ZNF536: variants seen among roughly 807,000 people sequenced by gnomAD.
The protein encoded by ZNF536 is zinc finger protein 536.
A neutral mutation model predicts 84.5 loss-of-function variants in ZNF536; 13 were observed. The ratio of observed to expected loss-of-function variants is 0.15; its 90% CI spans 0.10 to 0.24. ZNF536 has a LOEUF of 0.24. Among genes scored for constraint, ZNF536 ranks in the 10% least tolerant of loss-of-function variants. The pLI, the probability that ZNF536 is intolerant of heterozygous loss-of-function variation, is 1.00. For synonymous variants in ZNF536, 811 were observed against 742.5 expected (o/e 1.09, Z -1.50); for missense variants, 1,536 against 1,747.5 (o/e 0.88, Z 2.16).
intron 1 of ZNF536, among the ~76,000 whole-genome samples, chr19:30,706,791 G>A (rs1048725201): frequency 6.6e-6 from 1 of 152,180 alleles, no homozygotes; most frequent in Admixed American, 6.5e-5. Context: ...CTTAGCCCTA[G>A]CTTTATCTGA....
At chr19:30,529,631 G>A (rs2044726456) in intron 2 of ZNF536, among the ~76,000 whole-genome samples, 1 of 152,176 alleles carries the variant, frequency 6.6e-6, no homozygotes, top group Admixed American at 6.5e-5. Flanking sequence ...AGACAACATT[G>A]CTGACCTTGA....
chr19:30,446,168 G>A (rs1338868181), intron 2 of ZNF536, among the ~76,000 whole-genome samples: 4 of 147,492 alleles, frequency 2.7e-5, no homozygotes, highest in Non-Finnish European at 5.9e-5. Context: ...AGAATCGCTT[G>A]AGCCCGGGAG....
chr19:30,308,235 G>T (rs1231978615), intron 2 of ZNF536, among the ~76,000 whole-genome samples: 2 of 152,072 alleles, frequency 1.3e-5, no homozygotes, highest in African/African-American at 4.8e-5. Context: ...TTGTGAGCTT[G>T]GTGCATAAAG....
chr19:30,689,300 T>G (rs2051315589), intron 1 of ZNF536, among the ~76,000 whole-genome samples: 1 of 152,256 alleles, frequency 6.6e-6, no homozygotes, highest in Admixed American at 6.5e-5. Context: ...CCTGTTGTTT[T>G]GAAGATTCAA....
chr19:30,268,170 G>C (rs1311149775), intron 1 of ZNF536, among the ~76,000 whole-genome samples: 1 of 149,214 alleles, frequency 6.7e-6, no homozygotes, highest in Admixed American at 6.8e-5. Context: ...TGATCTACTA[G>C]TGTTTAGATC....
At position 30,315,812 on chromosome 19, in the gene ZNF536, A is replaced by C. The variant is rs369202642; in HGVS notation, c.-120+31671A>C. 3.3e-3 allele frequency among the ~76,000 whole-genome samples: 497 copies of C among 152,308 alleles called. 6 individuals are homozygous for C. Among genetic ancestry groups the C allele is most frequent in the African/African-American group, 0.011 (473 of 41,564 alleles). Reference sequence around the variant, plus strand: ...CATCATGTGTAGGGTGAATATTCACAAAAAGAAAATCATGCATATGTATTT... The same window carrying C: ...CATCATGTGTAGGGTGAATATTCACCAAAAGAAAATCATGCATATGTATTT... On this transcript the variant is annotated intron_variant, in intron 2 of 5. Transcript: ENST00000585628.
chr19:30,322,769 C>T (rs548501358), intron 2 of ZNF536, among the ~76,000 whole-genome samples: 1 of 151,972 alleles, frequency 6.6e-6, no homozygotes, highest in Non-Finnish European at 1.5e-5. Context: ...GCCCTCCTGC[C>T]CACCGAGCCC....
chr19:30,293,516 T>TC (rs966847073), intron 2 of ZNF536, among the ~76,000 whole-genome samples: 1 of 151,824 alleles, frequency 6.6e-6, no homozygotes, highest in South Asian at 2.1e-4. Flanking sequence ...TGCACGACAT[T>TC]CCCCCCGCCT....
intron 1 of ZNF536, among the ~76,000 whole-genome samples, chr19:30,420,691 A>G (rs2050916871): frequency 1.3e-5 from 2 of 152,222 alleles, no homozygotes; most frequent in Admixed American, 1.3e-4. Flanking sequence ...GAGGAAAAAA[A>G]AAGTGTGGTT....
At chr19:30,422,501 C>T (rs2147862470) in intron 1 of ZNF536, among the ~76,000 whole-genome samples, 1 of 152,298 alleles carries the variant, frequency 6.6e-6, no homozygotes, top group South Asian at 2.1e-4. Flanking sequence ...TGCCACCTCC[C>T]TGCAAGAGTA....
intron 1 of ZNF536, among the ~76,000 whole-genome samples, chr19:30,695,357 T>C (rs554345611): frequency 1.3e-5 from 2 of 152,204 alleles, no homozygotes; most frequent in African/African-American, 2.4e-5. Flanking sequence ...CAGTCCCTAC[T>C]GTGTGCAGAG....
intron 2 of ZNF536, among the ~76,000 whole-genome samples, chr19:30,291,510 C>T (rs886865516): frequency 2.0e-5 from 3 of 152,106 alleles, no homozygotes; most frequent in Non-Finnish European, 4.4e-5. Context: ...CTGTTCATAT[C>T]CTTCACCCAC....
intron 2 of ZNF536, among the ~76,000 whole-genome samples, chr19:30,447,318 A>G (rs1239394544): frequency 6.6e-6 from 1 of 151,996 alleles, no homozygotes; most frequent in Non-Finnish European, 1.5e-5. Flanking sequence ...GCTTAAGCAT[A>G]CTCTTCTTCT....
At chr19:30,589,214 G>T (rs2047197215) in intron 1 of ZNF536, among the ~76,000 whole-genome samples, 1 of 152,186 alleles carries the variant, frequency 6.6e-6, no homozygotes, top group South Asian at 2.1e-4. Context: ...TGCTCTTTGT[G>T]TTGGTTGCAA....
intron 2 of ZNF536, among the ~76,000 whole-genome samples, chr19:30,461,847 C>A (rs1007680419): frequency 1.3e-5 from 2 of 152,186 alleles, no homozygotes; most frequent in African/African-American, 4.8e-5. Context: ...GAGAAGGGGC[C>A]TGCAGGTAGA....
In ZNF536 at chr19:30,695,755, G is replaced by A. The variant is rs192161849; in HGVS notation, c.170-15002G>A. Among the ~76,000 whole-genome samples, 884 of 152,258 alleles carry A rather than the reference G, an allele frequency of 5.8e-3. 6 individuals are homozygous for A. Among genetic ancestry groups the A allele is most frequent in the African/African-American group, 0.02 (844 of 41,556 alleles). ...ATGGTGTGGCTTTCTTCTGCCTGGA[G>A]AGGTCTCACTGTTGGTCTGAGGTGG... On this transcript the variant is annotated intron_variant, in intron 1 of 1. Coordinates refer to the ZNF536 transcript ENST00000592773.
chr19:30,441,166 T>G (rs1004733045), intron 1 of ZNF536, among the ~76,000 whole-genome samples: 3 of 152,182 alleles, frequency 2.0e-5, no homozygotes, highest in Non-Finnish European at 4.4e-5. Context: ...AGCAGCAACC[T>G]GAAAATAGCC....
intron 1 of ZNF536, among the ~76,000 whole-genome samples, chr19:30,373,982 C>A (rs2048710656): frequency 6.6e-6 from 1 of 152,340 alleles, no homozygotes; most frequent in Middle Eastern, 3.4e-3. Context: ...CAATTCACCA[C>A]ATAATGCCCG....
intron 1 of ZNF536, among the ~76,000 whole-genome samples, chr19:30,686,269 C>G (rs2051175834): frequency 6.6e-6 from 1 of 151,270 alleles, no homozygotes; most frequent in Non-Finnish European, 1.5e-5. Context: ...CCAACACACA[C>G]ACACACTTTT....
Sources: allele counts gnomAD v4.1 joint callset (sites outside exome capture counted in the v4.1 genomes callset), GRCh38; gene constraint gnomAD v4.1.1; transcripts MANE v1.5; gene names NCBI Gene and HGNC (gene_info 2026-07-23, HGNC 2026-07-21).